NEGR1: variants seen among roughly 807,000 people sequenced by gnomAD.
The protein encoded by NEGR1 is neuronal growth regulator 1, also known as IgLON family member 4.
A neutral mutation model predicts 40.9 loss-of-function variants in NEGR1; 10 were observed. The observed-to-expected ratio is 0.24, with a 90% CI of 0.15 to 0.42. The LOEUF (loss-of-function observed/expected upper bound fraction) is 0.42, where lower values mean the gene tolerates loss of function less well. NEGR1 is among the 10% of genes least tolerant of loss of function. NEGR1 has a pLI of 1.00. For synonymous variants in NEGR1, 185 were observed against 166.8 expected (o/e 1.11, Z -0.84); for missense variants, 352 against 438.9 (o/e 0.80, Z 1.77).
At chr1:71,449,698 A>G (rs1269907053) in intron 6 of NEGR1, among the ~76,000 whole-genome samples, 2 of 152,206 alleles carry the variant, frequency 1.3e-5, no homozygotes, top group African/African-American at 4.8e-5. Flanking sequence ...ACAAGTTTTC[A>G]AAGAAATCTT....
intron 1 of NEGR1, among the ~76,000 whole-genome samples, chr1:72,139,867 T>A (rs1650607220): frequency 6.6e-6 from 1 of 152,072 alleles, no homozygotes. Context: ...AATTGTGCTA[T>A]TTCTTCTCTG....
At chr1:72,122,841 G>T (rs911700996) in intron 1 of NEGR1, among the ~76,000 whole-genome samples, 3 of 151,760 alleles carry the variant, frequency 2.0e-5, no homozygotes, top group African/African-American at 7.3e-5. Flanking sequence ...AAACAGTGAG[G>T]TCTAGCAGCA....
intron 6 of NEGR1, among the ~76,000 whole-genome samples, chr1:71,434,694 C>A (rs1405316162): frequency 1.3e-5 from 2 of 152,094 alleles, no homozygotes; most frequent in African/African-American, 4.8e-5. Context: ...AAGAAAAAGT[C>A]GAATTGCTTG....
At chr1:72,157,564 C>T (rs1005053245) in intron 1 of NEGR1, among the ~76,000 whole-genome samples, 2 of 152,090 alleles carry the variant, frequency 1.3e-5, no homozygotes, top group African/African-American at 4.8e-5. Context: ...TTCACACTTA[C>T]AGCTGGTGCA....
chr1:71,777,255 T>C (rs1656545044), intron 2 of NEGR1, among the ~76,000 whole-genome samples: 1 of 152,122 alleles, frequency 6.6e-6, no homozygotes, highest in Non-Finnish European at 1.5e-5. Context: ...TGTCTTTATC[T>C]GAGAGCAGGA....
At chr1:71,425,238 T>G (rs1646421466) in intron 6 of NEGR1, among the ~76,000 whole-genome samples, 2 of 152,162 alleles carry the variant, frequency 1.3e-5, no homozygotes, top group African/African-American at 4.8e-5. Flanking sequence ...GCAGGAAGGC[T>G]TAAAGCATGG....
intron 1 of NEGR1, among the ~76,000 whole-genome samples, chr1:72,190,773 G>A (rs1344071031): frequency 6.6e-6 from 1 of 151,312 alleles, no homozygotes; most frequent in Admixed American, 6.6e-5. Context: ...CCACTAAACT[G>A]CTCTTTGGAA....
chr1:71,809,344 T>C (rs1324098773), intron 2 of NEGR1, among the ~76,000 whole-genome samples: 1 of 152,208 alleles, frequency 6.6e-6, no homozygotes, highest in Non-Finnish European at 1.5e-5. Flanking sequence ...CAGCTAGCTA[T>C]GTCATTTATC....
chr1:71,420,540 A>G (rs889143814), intron 6 of NEGR1, among the ~76,000 whole-genome samples: 6 of 152,076 alleles, frequency 3.9e-5, no homozygotes, highest in South Asian at 2.1e-4. Context: ...TTACAAAATC[A>G]TATGTTATTA....
intron 4 of NEGR1, among the ~76,000 whole-genome samples, chr1:71,671,912 GT>G (rs1652450048): frequency 1.5e-5 from 1 of 67,380 alleles, no homozygotes; most frequent in African/African-American, 5.9e-5. Context: ...TTTTTTTTTT[GT>G]TTTAAGAGAC....
intron 2 of NEGR1, among the ~76,000 whole-genome samples, chr1:71,776,945 A>G (rs1656534094): frequency 6.6e-6 from 1 of 152,142 alleles, no homozygotes; most frequent in Non-Finnish European, 1.5e-5. Context: ...AGATCACTTC[A>G]GGACTTCTCA....
intron 4 of NEGR1, among the ~76,000 whole-genome samples, chr1:71,693,575 G>C (rs187222107): frequency 6.6e-6 from 1 of 151,382 alleles, no homozygotes; most frequent in Non-Finnish European, 1.5e-5. Flanking sequence ...TATATAAATA[G>C]GGTATTATTG....
intron 2 of NEGR1, among the ~76,000 whole-genome samples, chr1:71,869,398 C>A (rs1211047846): frequency 2.6e-5 from 4 of 151,962 alleles, no homozygotes; most frequent in African/African-American, 9.7e-5. Flanking sequence ...GCCAAAAATA[C>A]TAAAATACAG....
At chr1:71,474,533 C>G (rs2101361821) in intron 6 of NEGR1, among the ~76,000 whole-genome samples, 1 of 149,540 alleles carries the variant, frequency 6.7e-6, no homozygotes, top group East Asian at 2.0e-4. Context: ...CACACACACA[C>G]ACACACACAC....
At chr1:71,707,254 C>T (rs553162) in intron 3 of NEGR1, among the ~76,000 whole-genome samples, 2,526 of 152,164 alleles carry the variant, frequency 0.017, 58 homozygotes, top group African/African-American at 0.057. Context: ...CTGCCCTGGG[C>T]TAGAGGGGAG....
chr1:71,720,117 T>C (rs1654455045), intron 3 of NEGR1, among the ~76,000 whole-genome samples: 1 of 152,150 alleles, frequency 6.6e-6, no homozygotes, highest in Non-Finnish European at 1.5e-5. Context: ...TGAAGAAAGA[T>C]GAATACAGAG....
At chr1:72,174,061 A>T (rs1652069814) in intron 1 of NEGR1, among the ~76,000 whole-genome samples, 1 of 152,176 alleles carries the variant, frequency 6.6e-6, no homozygotes, top group African/African-American at 2.4e-5. Flanking sequence ...ACAATCTTCT[A>T]ACATGGACAT....
chr1:72,241,740 C>G (rs1243285898), intron 1 of NEGR1, among the ~76,000 whole-genome samples: 1 of 148,744 alleles, frequency 6.7e-6, no homozygotes, highest in Admixed American at 6.7e-5. Context: ...TTTTTTTTTT[C>G]TGAGCAGTTA....
At chr1:71,628,178 G>C (rs1650849315) in intron 4 of NEGR1, among the ~76,000 whole-genome samples, 1 of 151,966 alleles carries the variant, frequency 6.6e-6, no homozygotes, top group Non-Finnish European at 1.5e-5. Flanking sequence ...TTTACTCAGT[G>C]CTCGAGGTCA....
Sources: gnomAD v4.1 joint callset for allele counts (sites outside exome capture counted in the v4.1 genomes callset) on GRCh38, gnomAD v4.1.1 for gene constraint, MANE v1.5 for transcripts, NCBI Gene and HGNC (gene_info 2026-07-23, HGNC 2026-07-21) for gene names.